The following RSPO4 variants were observed in gnomAD, a reference collection of about 807,000 sequenced individuals.
RSPO4 encodes the protein R-spondin-4.
A neutral mutation model predicts 24.8 loss-of-function variants in RSPO4; 23 were observed. The ratio of observed to expected loss-of-function variants is 0.93; its 90% CI spans 0.67 to 1.31. RSPO4 has a LOEUF of 1.31. RSPO4 is among the 40% of genes most tolerant of loss of function. RSPO4 has a pLI of 0.00. For missense variants in RSPO4, 333 were observed against 316.5 expected (o/e 1.05, Z -0.39); for synonymous variants, 141 against 127.4 (o/e 1.11, Z -0.72).
intron 1 of RSPO4, among the ~76,000 whole-genome samples, chr20:976,046 C>T (rs1017171683): frequency 6.6e-6 from 1 of 152,124 alleles, no homozygotes; most frequent in African/African-American, 2.4e-5. Context: ...GATATCCTGG[C>T]CCCATCACTC....
At chr20:971,529 C>A (rs1984406550) in intron 1 of RSPO4, among the ~76,000 whole-genome samples, 1 of 152,202 alleles carries the variant, frequency 6.6e-6, no homozygotes, top group Non-Finnish European at 1.5e-5. Context: ...ATACACAACC[C>A]AGCCATGATA....
chr20:961,745 C>T (rs1488830011), intron 4 of RSPO4, among the ~76,000 whole-genome samples: 1 of 152,052 alleles, frequency 6.6e-6, no homozygotes, highest in African/African-American at 2.4e-5. Flanking sequence ...CCTAGGCCTG[C>T]CTGCCAGCTG....
At chr20:964,930 CTG>C (rs1315031184) in intron 3 of RSPO4, among the ~76,000 whole-genome samples, 1 of 151,850 alleles carries the variant, frequency 6.6e-6, no homozygotes, top group Non-Finnish European at 1.5e-5. Flanking sequence ...GATTTGGACA[CTG>C]AGACCTAGAG....
At chr20:993,434 T>C (rs1985175211) in intron 1 of RSPO4, among the ~76,000 whole-genome samples, 1 of 152,188 alleles carries the variant, frequency 6.6e-6, no homozygotes, top group African/African-American at 2.4e-5. Context: ...TGGATGCTGC[T>C]GTTCCACCGG....
At chr20:978,894 G>A (rs1435950336) in intron 1 of RSPO4, among the ~76,000 whole-genome samples, 1 of 151,990 alleles carries the variant, frequency 6.6e-6, no homozygotes, top group East Asian at 1.9e-4. Context: ...CCGCTAAGGT[G>A]CCAATACAGG....
intron 1 of RSPO4, among the ~76,000 whole-genome samples, chr20:983,324 G>C (rs539400628): frequency 2.0e-5 from 3 of 152,222 alleles, no homozygotes; most frequent in East Asian, 3.9e-4. Flanking sequence ...CCTTGGTCTT[G>C]ATAAAGAACT....
At chr20:991,864 T>C (rs1985112895) in intron 1 of RSPO4, among the ~76,000 whole-genome samples, 1 of 152,192 alleles carries the variant, frequency 6.6e-6, no homozygotes, top group Non-Finnish European at 1.5e-5. Context: ...AAATCAGCTA[T>C]TTTTAACAAT....
At position 1,002,024 on chromosome 20, in the gene RSPO4, C is replaced by A. The variant is rs1985482673; in HGVS notation, c.79+62G>T. On this transcript the variant is annotated intron_variant, in intron 1 of 4. Transcript: ENST00000217260. This position sits in a 1 kb window ranked among gnomAD's most constrained non-coding sequence, Gnocchi z 4.6. ...GCCCCCAGAGCCGCCGCCCCCGGTC[C>A]TCCGGCCCCCGGTCTGCCCCGCAGC... The A allele has an allele frequency of 1.4e-6, 2 of 1,441,800 alleles. No homozygotes were observed. Among genetic ancestry groups the A allele is most frequent in the Admixed American group, 4.0e-5 (2 of 50,264 alleles). The allele number at this position is 1,441,800 out of a possible 1,614,324, so 89.3% of individuals were successfully genotyped here. A position where few individuals can be genotyped will look rare whatever the true frequency, so the allele number is the denominator to read the frequency against.
At chr20:968,202 C>A in intron 1 of RSPO4, 64 bp from the exon 2 acceptor site, 1 of 1,480,716 alleles carries the variant, frequency 6.8e-7, no homozygotes, top group African/African-American at 1.4e-5. Flanking sequence ...ACCATATATG[C>A]GAGCAGCTGA....
In RSPO4 at chr20:967,025, C is replaced by A; in HGVS notation, c.409+149G>T. The A allele has an allele frequency of 4.2e-6, 3 of 709,356 alleles. No homozygotes were observed. In the Admixed American group the frequency reaches 8.2e-5, roughly 19 times the overall value. The allele number at this position is 709,356 out of a possible 1,614,324, so 43.9% of individuals were successfully genotyped here. A position where few individuals can be genotyped will look rare whatever the true frequency, so the allele number is the denominator to read the frequency against. On this transcript the variant is annotated intron_variant, in intron 3 of 4. Transcript: ENST00000217260. ...GTTTTGCAGTTACTATGTGGAGGTA[C>A]CCAGTGTACCTGACATGGTGGTGCT...
At chr20:998,012 AG>A (rs1157788090) in intron 1 of RSPO4, among the ~76,000 whole-genome samples, 1 of 152,204 alleles carries the variant, frequency 6.6e-6, no homozygotes, top group East Asian at 1.9e-4. Flanking sequence ...CTTGGACTGC[AG>A]TAAATCTTCC....
At chr20:967,719 A>C (rs907149660) in intron 2 of RSPO4, among the ~76,000 whole-genome samples, 3 of 152,248 alleles carry the variant, frequency 2.0e-5, no homozygotes, top group Non-Finnish European at 4.4e-5. Flanking sequence ...GCCACACCAC[A>C]AACTAGGGTA....
In RSPO4 at chr20:1,002,077, C is replaced by A. The variant is rs140542478; in HGVS notation, c.79+9G>T. The A allele has an allele frequency of 0.019, 29,357 of 1,551,926 alleles. 443 individuals are homozygous for A. Among genetic ancestry groups the A allele is most frequent in the Middle Eastern group, 0.11 (666 of 5,952 alleles). ...CTGCCCGGCCGCCCTGCCCAGCCAC[C>A]CCTTGTACCTTGCTTCTTCCTTCGG... is the stretch of plus-strand genomic sequence containing the variant. On this transcript the variant is annotated intron_variant, in intron 1 of 4. Coordinates refer to ENST00000217260, the MANE Select transcript of RSPO4 (RefSeq NM_001029871.4). The surrounding 1 kb of genome is among the most constrained non-coding windows in gnomAD (Gnocchi z 4.6).
At chr20:989,609 C>T (rs1985032613) in intron 1 of RSPO4, among the ~76,000 whole-genome samples, 1 of 152,154 alleles carries the variant, frequency 6.6e-6, no homozygotes, top group African/African-American at 2.4e-5. Flanking sequence ...TTGGGGGCTC[C>T]ACCTTGGAAA....
At chr20:983,652 C>T (rs1033363188) in intron 1 of RSPO4, among the ~76,000 whole-genome samples, 4 of 152,164 alleles carry the variant, frequency 2.6e-5, no homozygotes, top group Non-Finnish European at 5.9e-5. Context: ...TTGGTTTTCC[C>T]GTCTGTAAAT....
chr20:967,375 T>C lies in RSPO4; in HGVS notation c.269-61A>G, dbSNP rs958414532. 1.9e-6 allele frequency: 3 copies of C among 1,587,178 alleles called. No individual in the cohort carries two copies. The African/African-American group carries it at 4.0e-5, about 21-fold the overall frequency. ...ACTGCCAAGGATGGGGCCCACTGGG[T>C]CTGCCCGAGGTGGAAGGCCCTCTGG... On this transcript the variant is annotated intron_variant, in intron 2 of 4. Transcript: ENST00000217260.
chr20:1,002,204 CG>C lies in RSPO4; in HGVS notation c.-41del, dbSNP rs1440160363. On this transcript the variant is annotated 5_prime_UTR_variant, in exon 1 of 5. Coordinates refer to ENST00000217260, the MANE Select transcript of RSPO4 (RefSeq NM_001029871.4). This position sits in a 1 kb window ranked among gnomAD's most constrained non-coding sequence, Gnocchi z 4.6. Reference sequence around the variant, plus strand: ...CCGGGCTGGCGCTCCCCAGGCGGCCCGACGGCCCAAGGGCCCCACGTCCCGG... The same window carrying C: ...CCGGGCTGGCGCTCCCCAGGCGGCCCACGGCCCAAGGGCCCCACGTCCCGG... 4 of 1,477,462 alleles carry C rather than the reference CG, an allele frequency of 2.7e-6. No homozygotes were observed. Among genetic ancestry groups the C allele is most frequent in the Non-Finnish European group, 3.6e-6 (4 of 1,109,190 alleles). The allele number at this position is 1,477,462 out of a possible 1,614,324, so 91.5% of individuals were successfully genotyped here. A position where few individuals can be genotyped will look rare whatever the true frequency, so the allele number is the denominator to read the frequency against.
At chr20:961,683 C>T (rs6118376) in intron 4 of RSPO4, among the ~76,000 whole-genome samples, 1,832 of 152,182 alleles carry the variant, frequency 0.012, 38 homozygotes, top group African/African-American at 0.041. Flanking sequence ...GTGGCCCTGC[C>T]GGCTCTGATG....
intron 1 of RSPO4, among the ~76,000 whole-genome samples, chr20:975,507 T>TA (rs1240196061): frequency 2.0e-5 from 3 of 152,158 alleles, no homozygotes; most frequent in African/African-American, 7.2e-5. Context: ...TGGAGAGGCT[T>TA]AGAATGAAAT....
Sources: gnomAD v4.1 joint callset for allele counts (sites outside exome capture counted in the v4.1 genomes callset) on GRCh38, gnomAD v4.1.1 for gene constraint, Gnocchi (gnomAD v3.1) non-coding constraint, MANE v1.5 for transcripts, NCBI Gene and HGNC (gene_info 2026-07-23, HGNC 2026-07-21) for gene names.